Variants in PTPRG observed in about 807,000 individuals in gnomAD.
PTPRG encodes the protein protein tyrosine phosphatase receptor type G.
PTPRG carries 102 observed loss-of-function variants against 165.3 expected under a neutral mutation model. The observed-to-expected ratio is 0.62, with a 90% CI of 0.53 to 0.73. The LOEUF (loss-of-function observed/expected upper bound fraction) is 0.73. PTPRG is among the 30% of genes least tolerant of loss of function. The pLI is 0.00. For missense variants in PTPRG, 1,866 were observed against 1,861.4 expected (o/e 1.00, Z -0.05); for synonymous variants, 675 against 669.5 (o/e 1.01, Z -0.13).
At chr3:61,621,519 C>T (rs1701456387) in intron 1 of PTPRG, among the ~76,000 whole-genome samples, 1 of 152,200 alleles carries the variant, frequency 6.6e-6, no homozygotes, top group Non-Finnish European at 1.5e-5. Flanking sequence ...TAGAAGTTTA[C>T]TTTCTGATTC....
At chr3:62,092,575 AT>A (rs1701981656) in intron 5 of PTPRG, among the ~76,000 whole-genome samples, 1 of 152,182 alleles carries the variant, frequency 6.6e-6, no homozygotes, top group African/African-American at 2.4e-5. Context: ...TGGACTCTAA[AT>A]CCAGATTGCT....
At chr3:61,993,193 T>G (rs2040939000) in intron 3 of PTPRG, among the ~76,000 whole-genome samples, 1 of 151,850 alleles carries the variant, frequency 6.6e-6, no homozygotes, top group African/African-American at 2.4e-5. Flanking sequence ...GTACTATAGT[T>G]TTTTTTGTTG....
intron 2 of PTPRG, among the ~76,000 whole-genome samples, chr3:61,857,139 G>T (rs1287787504): frequency 1.3e-5 from 2 of 151,514 alleles, no homozygotes; most frequent in Non-Finnish European, 2.9e-5. Context: ...GTATTTGGCA[G>T]TTTTGCAGTT....
intron 2 of PTPRG, among the ~76,000 whole-genome samples, chr3:61,968,804 A>T (rs945748200): frequency 2.0e-5 from 3 of 152,176 alleles, no homozygotes; most frequent in Admixed American, 2.0e-4. Context: ...CACTGTATCG[A>T]TGGTGATACT....
intron 7 of PTPRG, among the ~76,000 whole-genome samples, chr3:62,160,881 T>TTTTTTTTTC (rs1704731893): frequency 6.7e-6 from 1 of 149,464 alleles, no homozygotes; most frequent in Non-Finnish European, 1.5e-5. Flanking sequence ...TTTTTTTTTT[T>TTTTTTTTTC]TTTTTTTCTG....
At chr3:62,151,924 GTTA>G (rs1308366416) in intron 6 of PTPRG, among the ~76,000 whole-genome samples, 2 of 152,094 alleles carry the variant, frequency 1.3e-5, no homozygotes, top group Non-Finnish European at 2.9e-5. Context: ...TAATGTCAGT[GTTA>G]TTATCCCATT....
At chr3:61,571,255 G>GGC (rs1334800803) in intron 1 of PTPRG, among the ~76,000 whole-genome samples, 1 of 152,222 alleles carries the variant, frequency 6.6e-6, no homozygotes, top group Non-Finnish European at 1.5e-5. Flanking sequence ...GGGGTAGCAA[G>GGC]GCGCGGGGAG....
chr3:61,572,289 C>G (rs1700074765), intron 1 of PTPRG, among the ~76,000 whole-genome samples: 1 of 151,812 alleles, frequency 6.6e-6, no homozygotes, highest in South Asian at 2.1e-4. Context: ...CTTCTGGAGA[C>G]CAAGTTAAAA....
At chr3:61,611,520 CT>C (rs1205006612) in intron 1 of PTPRG, among the ~76,000 whole-genome samples, 1 of 152,140 alleles carries the variant, frequency 6.6e-6, no homozygotes, top group East Asian at 1.9e-4. Flanking sequence ...AGAAGGGAGC[CT>C]GTTTAGAAGG....
In PTPRG at chr3:62,078,269, A is replaced by G; in HGVS notation, c.615+11A>G. ...GCCATATTTTTTCAAGTAAGTTAAC[A>G]GTGGCTGAAGTACTTCAAAGAATTC... is the stretch of plus-strand genomic sequence containing the variant. On this transcript the variant is annotated intron_variant, in intron 5 of 29. Coordinates refer to ENST00000474889, the MANE Select transcript of PTPRG (RefSeq NM_002841.4). 3.3e-6 allele frequency: 5 copies of G among 1,522,056 alleles called. No homozygotes were observed. Among genetic ancestry groups the G allele is most frequent in the Non-Finnish European group, 4.5e-6 (5 of 1,114,588 alleles). The allele number at this position is 1,522,056 out of a possible 1,614,324, so 94.3% of individuals were successfully genotyped here. A position where few individuals can be genotyped will look rare whatever the true frequency, so the allele number is the denominator to read the frequency against.
intron 1 of PTPRG, among the ~76,000 whole-genome samples, chr3:61,601,697 T>C (rs766399623): frequency 4.6e-5 from 7 of 152,152 alleles, no homozygotes; most frequent in Admixed American, 2.6e-4. Context: ...CAACAAATAA[T>C]ATCAGCCTTT....
chr3:61,789,241 G>A (rs554696340), intron 2 of PTPRG, among the ~76,000 whole-genome samples: 59 of 152,160 alleles, frequency 3.9e-4, no homozygotes, highest in African/African-American at 1.3e-3. Flanking sequence ...CAGGAACAAT[G>A]AGTGCATGCC....
At chr3:61,938,453 A>T (rs558571418) in intron 2 of PTPRG, among the ~76,000 whole-genome samples, 1 of 152,290 alleles carries the variant, frequency 6.6e-6, no homozygotes, top group East Asian at 1.9e-4. Context: ...ATTGAAATTT[A>T]TTATGAATCA....
chr3:61,901,060 A>T (rs1217871286), intron 2 of PTPRG, among the ~76,000 whole-genome samples: 1 of 152,214 alleles, frequency 6.6e-6, no homozygotes, highest in African/African-American at 2.4e-5. Context: ...TAATCTGCTG[A>T]CAAAGGCAGT....
intron 5 of PTPRG, among the ~76,000 whole-genome samples, chr3:62,120,063 G>C (rs146075991): frequency 6.6e-6 from 1 of 152,082 alleles, no homozygotes; most frequent in Non-Finnish European, 1.5e-5. Context: ...ATAGTGTTTT[G>C]TCATTGTTGT....
intron 1 of PTPRG, among the ~76,000 whole-genome samples, chr3:61,725,656 A>C: frequency 6.7e-6 from 1 of 149,624 alleles, no homozygotes; most frequent in Non-Finnish European, 1.5e-5. Flanking sequence ...TACCCACTCT[A>C]TTCTTCTCTT....
intron 6 of PTPRG, among the ~76,000 whole-genome samples, chr3:62,155,666 A>G (rs147322411): frequency 1.3e-5 from 2 of 152,328 alleles, no homozygotes; most frequent in African/African-American, 4.8e-5. Context: ...ATCTTTTCCA[A>G]AAGGAAATTG....
chr3:62,259,387 G>T (rs1467121757), intron 16 of PTPRG, among the ~76,000 whole-genome samples: 1 of 151,928 alleles, frequency 6.6e-6, no homozygotes, highest in African/African-American at 2.4e-5. Context: ...ACTAATGAGA[G>T]CTGATGAGCT....
At chr3:62,269,995 A>G (rs923385504) in intron 20 of PTPRG, among the ~76,000 whole-genome samples, 2 of 152,212 alleles carry the variant, frequency 1.3e-5, no homozygotes, top group Non-Finnish European at 2.9e-5. Context: ...ATAATATTCT[A>G]TAATAAAAGT....
Sources: gnomAD v4.1 joint callset for allele counts (sites outside exome capture counted in the v4.1 genomes callset) on GRCh38, gnomAD v4.1.1 for gene constraint, MANE v1.5 for transcripts, NCBI Gene and HGNC (gene_info 2026-07-23, HGNC 2026-07-21) for gene names.